LEF1: variants seen among roughly 807,000 people sequenced by gnomAD.
LEF1 encodes the protein lymphoid enhancer binding factor 1.
A neutral mutation model predicts 51.2 loss-of-function variants in LEF1; 14 were observed. The observed-to-expected ratio is 0.27, with a 90% CI of 0.18 to 0.43. LEF1 has a LOEUF of 0.43. LEF1 is among the 20% of genes least tolerant of loss of function. The pLI is 1.00. For missense variants in LEF1, 386 were observed against 512.0 expected (o/e 0.75, Z 2.37); for synonymous variants, 185 against 183.2 (o/e 1.01, Z -0.08).
At chr4:108,110,072 T>C (rs1376056866) in intron 3 of LEF1, among the ~76,000 whole-genome samples, 1 of 152,176 alleles carries the variant, frequency 6.6e-6, no homozygotes, top group African/African-American at 2.4e-5. Flanking sequence ...TTAGAACTGT[T>C]CTCTTCAGCA....
chr4:108,066,043 T>C (rs1397035556), intron 9 of LEF1, among the ~76,000 whole-genome samples: 2 of 152,142 alleles, frequency 1.3e-5, no homozygotes, highest in African/African-American at 4.8e-5. Flanking sequence ...GCTGGGATTA[T>C]AGGCGCATGC....
intron 1 of LEF1, chr4:108,166,793 T>C (rs1047906792): frequency 1.0e-6 from 1 of 985,836 alleles, no homozygotes; most frequent in Non-Finnish European, 1.2e-6. Flanking sequence ...AAACCCCAAA[T>C]AAAAGTTGTG....
Position 108,163,565 on chromosome 4 carries a change from T to TA in LEF1, c.414+2dup, listed in dbSNP as rs750370587. The TA allele has an allele frequency of 9.3e-6, 15 of 1,612,108 alleles. No homozygotes were observed. Among genetic ancestry groups the TA allele is most frequent in the Non-Finnish European group, 1.3e-5 (15 of 1,179,272 alleles). On this transcript the variant is annotated splice_region_variant and intron_variant, in intron 3 of 11. Transcript: ENST00000265165. ...TAATTTGCAACATCAGCATGTTACTTACTGTTCTCGGGATGGGTGGAGAAA... is the reference window on the plus strand; with the variant it reads ...TAATTTGCAACATCAGCATGTTACTTAACTGTTCTCGGGATGGGTGGAGAAA...
chr4:108,108,987 T>C (rs1042324142), intron 3 of LEF1, among the ~76,000 whole-genome samples: 1 of 152,206 alleles, frequency 6.6e-6, no homozygotes, highest in African/African-American at 2.4e-5. Context: ...GTCTCTCCAG[T>C]GTCCCCAGCT....
intron 3 of LEF1, among the ~76,000 whole-genome samples, chr4:108,129,733 C>T (rs1255289340): frequency 1.3e-5 from 2 of 152,236 alleles, no homozygotes; most frequent in African/African-American, 2.4e-5. Flanking sequence ...AAAGGTCATA[C>T]CTTGGCATTC....
chr4:108,131,263 C>G (rs1416005835), intron 3 of LEF1, among the ~76,000 whole-genome samples: 1 of 151,878 alleles, frequency 6.6e-6, no homozygotes, highest in East Asian at 2.0e-4. Context: ...AGCAAGGACC[C>G]GTTTCTATTT....
intron 3 of LEF1, among the ~76,000 whole-genome samples, chr4:108,118,319 G>C (rs1056202674): frequency 1.3e-5 from 2 of 152,138 alleles, no homozygotes; most frequent in African/African-American, 2.4e-5. Flanking sequence ...CTACATTTCT[G>C]CATTTGCTAA....
chr4:108,075,425 CA>C (rs1738793546), intron 8 of LEF1: 1 of 152,146 alleles, frequency 6.6e-6, no homozygotes, highest in Non-Finnish European at 1.5e-5. Context: ...CTATGTTTCA[CA>C]AGGGTTGTTA....
intron 8 of LEF1, among the ~76,000 whole-genome samples, chr4:108,073,830 C>T (rs1353598427): frequency 3.4e-4 from 52 of 151,620 alleles, no homozygotes; most frequent in Non-Finnish European, 4.4e-4. Context: ...ATAACCCCCC[C>T]CCCTTTTTTT....
intron 3 of LEF1, among the ~76,000 whole-genome samples, chr4:108,144,438 T>C (rs943758615): frequency 3.3e-5 from 5 of 152,190 alleles, no homozygotes; most frequent in East Asian, 3.9e-4. Flanking sequence ...CCCCTGGGAA[T>C]TGGCAGAGTT....
At chr4:108,086,003 G>T (rs564150314) in intron 4 of LEF1, among the ~76,000 whole-genome samples, 15 of 152,314 alleles carry the variant, frequency 9.8e-5, no homozygotes, top group Middle Eastern at 3.4e-3. Context: ...ACAAACAAGT[G>T]AAGTCAGAAG....
chr4:108,083,487 G>C, intron 4 of LEF1, 41 bp from the exon 5 acceptor site: 1 of 1,340,128 alleles, frequency 7.5e-7, no homozygotes, highest in Non-Finnish European at 1.1e-6. Context: ...CAGATTCACA[G>C]GATATTTAAC....
intron 3 of LEF1, among the ~76,000 whole-genome samples, chr4:108,150,247 T>A (rs1677998388): frequency 6.6e-6 from 1 of 152,202 alleles, no homozygotes; most frequent in African/African-American, 2.4e-5. Context: ...TGCTCAGTTC[T>A]TATGTAATAA....
At chr4:108,156,015 GA>G (rs958190488) in intron 3 of LEF1, among the ~76,000 whole-genome samples, 7 of 151,808 alleles carry the variant, frequency 4.6e-5, no homozygotes, top group East Asian at 1.9e-4. Flanking sequence ...TCGTGATACT[GA>G]AAAAAAAGTT....
In LEF1 at chr4:108,146,943, G is replaced by A. The variant is rs190372204; in HGVS notation, c.414+16625C>T. On this transcript the variant is annotated intron_variant, in intron 3 of 11. Coordinates refer to ENST00000265165, the MANE Select transcript of LEF1 (RefSeq NM_016269.5). ...TACTGACACAACCGTGTTTCCCTTA[G>A]TCTACACAACAGTCCTTTGTTAGAG... 3.0e-3 allele frequency among the ~76,000 whole-genome samples: 452 copies of A among 152,184 alleles called. 3 individuals carry two copies. The highest frequency in any genetic ancestry group is 1.7e-3 in the East Asian group (9 of 5,176).
intron 3 of LEF1, among the ~76,000 whole-genome samples, chr4:108,131,077 G>A (rs1389746749): frequency 6.6e-6 from 1 of 151,680 alleles, no homozygotes; most frequent in Admixed American, 6.6e-5. Context: ...CTGGACTCAA[G>A]TGATCCTCCG....
chr4:108,068,375 T>C (rs1738226021), intron 9 of LEF1, among the ~76,000 whole-genome samples: 1 of 152,196 alleles, frequency 6.6e-6, no homozygotes. Flanking sequence ...CAGAGTGACC[T>C]GGGTGAAAAC....
chr4:108,159,642 T>C (rs1399889806), intron 3 of LEF1, among the ~76,000 whole-genome samples: 1 of 152,192 alleles, frequency 6.6e-6, no homozygotes, highest in African/African-American at 2.4e-5. Flanking sequence ...ATTCCAGATG[T>C]GAACAATGAC....
chr4:108,091,640 AG>A (rs1469406153), intron 3 of LEF1, among the ~76,000 whole-genome samples: 1 of 152,178 alleles, frequency 6.6e-6, no homozygotes, highest in Non-Finnish European at 1.5e-5. Flanking sequence ...TACACACCTC[AG>A]CACAAACATC....
Sources: gnomAD v4.1 joint callset for allele counts (sites outside exome capture counted in the v4.1 genomes callset) on GRCh38, gnomAD v4.1.1 for gene constraint, MANE v1.5 for transcripts, NCBI Gene and HGNC (gene_info 2026-07-23, HGNC 2026-07-21) for gene names.